PTPN3: variants seen among roughly 807,000 people sequenced by gnomAD.
The protein encoded by PTPN3 is protein tyrosine phosphatase non-receptor type 3, also known as tyrosine-protein phosphatase non-receptor type 3.
PTPN3 carries 96 observed loss-of-function variants against 132.7 expected under a neutral mutation model. That is an observed-to-expected ratio of 0.72 (90% CI 0.61 to 0.86). The LOEUF is 0.86. Ranked by LOEUF, PTPN3 falls within the 40% of genes least tolerant of loss-of-function variation. PTPN3 has a pLI of 0.00. For synonymous variants in PTPN3, 398 were observed against 429.0 expected, an observed-to-expected ratio of 0.93 and a Z score of 0.89; for missense variants, 1,125 against 1,159.6, an observed-to-expected ratio of 0.97 and a Z score of 0.43.
the PTPN3 span, among the ~76,000 whole-genome samples, chr9:109,516,871 C>T: frequency 1.3e-5 from 2 of 152,136 alleles, no homozygotes; most frequent in Non-Finnish European, 1.5e-5. Context: ...CAGGTTTCTA[C>T]TTAAACTACT....
At chr9:109,445,333 A>G (rs776860504) in intron 6 of PTPN3, 41 bp from the exon 7 acceptor site, 10 of 1,541,448 alleles carry the variant, frequency 6.5e-6, no homozygotes, top group African/African-American at 5.5e-5. Flanking sequence ...ACAAGAACCA[A>G]CAACAGCCTT....
the PTPN3 span, among the ~76,000 whole-genome samples, chr9:109,509,115 C>T: frequency 0.35 from 53,818 of 152,080 alleles, 10,112 homozygotes; most frequent in East Asian, 0.62. Context: ...TCCAAACCAG[C>T]TCTGGGGCCT....
intron 1 of PTPN3, among the ~76,000 whole-genome samples, chr9:109,469,962 T>G (rs989476250): frequency 1.3e-5 from 2 of 152,110 alleles, no homozygotes; most frequent in African/African-American, 4.8e-5. Flanking sequence ...CTTTTTGCAG[T>G]ATAGAAGCCC....
At chr9:109,503,485 A>G in the PTPN3 span, among the ~76,000 whole-genome samples, 2 of 152,116 alleles carry the variant, frequency 1.3e-5, no homozygotes, top group Non-Finnish European at 2.9e-5. Flanking sequence ...CAGGCAGATC[A>G]CCTGAGGTCA....
Position 109,457,296 on chromosome 9 carries a change from G to A in PTPN3, c.242C>T (p.Ser81Phe), listed in dbSNP as rs752077556. ...GLQHDDDSVD[S>F]PRWLEASKAI... ...TTTTTTAAAAATGGCACTTACAGGA[G>A]AGTCCACGGAGTCGTCATCATGCTG... Residue 81 changes from serine to phenylalanine, a missense_variant, in exon 3 of 26, where the codon TCT (serine) becomes TTT (phenylalanine). Coordinates refer to ENST00000374541, the MANE Select transcript of PTPN3 (RefSeq NM_002829.4). 15 of 1,613,574 alleles carry A rather than the reference G, an allele frequency of 9.3e-6. No homozygotes were observed. The East Asian group carries it at 3.1e-4, about 34-fold the overall frequency.
At chr9:109,475,219 T>C (rs559039860) in intron 1 of PTPN3, among the ~76,000 whole-genome samples, 2 of 152,314 alleles carry the variant, frequency 1.3e-5, no homozygotes, top group South Asian at 4.1e-4. Flanking sequence ...AAGAGTGGGA[T>C]AGATGAACTC....
intron 5 of PTPN3, chr9:109,449,987 A>T: frequency 2.0e-6 from 2 of 984,156 alleles, no homozygotes; most frequent in Non-Finnish European, 2.4e-6. Flanking sequence ...GGTAGGTACC[A>T]CTATCTCCAT....
chr9:109,394,505 C>T (rs763274938), intron 19 of PTPN3, among the ~76,000 whole-genome samples: 7 of 149,164 alleles, frequency 4.7e-5, no homozygotes, highest in Non-Finnish European at 1.0e-4. Flanking sequence ...TGCAGTGGTG[C>T]GATCTCAGCT....
At position 109,498,125 on chromosome 9, in the gene PTPN3, G is replaced by A. The variant is rs1847765742; in HGVS notation, c.-18+94C>T. 6.8e-6 allele frequency: 1 copy of A among 146,112 alleles called. No homozygotes were observed. Among genetic ancestry groups the A allele is most frequent in the African/African-American group, 2.5e-5 (1 of 40,806 alleles). The allele number at this position is 146,112 out of a possible 1,614,324, so 9.1% of individuals were successfully genotyped here. A position where few individuals can be genotyped will look rare whatever the true frequency, so the allele number is the denominator to read the frequency against. ...CCCGCGCGTCCGCCGCGCGCCCCAG[G>A]GACGGGTGGGGGCGGGGTGGCGCCG... On this transcript the variant is annotated intron_variant, in intron 1 of 25. Coordinates refer to ENST00000374541, the MANE Select transcript of PTPN3 (RefSeq NM_002829.4). The surrounding 1 kb of genome is among the most constrained non-coding windows in gnomAD (Gnocchi z 4.2).
chr9:109,442,175 G>A (rs1326345106), intron 7 of PTPN3, among the ~76,000 whole-genome samples: 1 of 151,922 alleles, frequency 6.6e-6, no homozygotes, highest in African/African-American at 2.4e-5. Context: ...AGCCTCCCCA[G>A]TAACTTGAAC....
chr9:109,479,504 G>C (rs1385618739), intron 1 of PTPN3, among the ~76,000 whole-genome samples: 1 of 152,212 alleles, frequency 6.6e-6, no homozygotes, highest in Non-Finnish European at 1.5e-5. Context: ...GTATCTGTCC[G>C]AGTCCACTTT....
intron 5 of PTPN3, chr9:109,451,400 G>A (rs993270998): frequency 3.1e-5 from 30 of 960,232 alleles, no homozygotes; most frequent in South Asian, 9.6e-5. Context: ...ATGGAAGGTG[G>A]GGGTGGGGTG....
chr9:109,409,917 C>T, intron 16 of PTPN3, 82 bp downstream of exon 16: 1 of 1,541,058 alleles, frequency 6.5e-7, no homozygotes. Context: ...CTCAGGAATG[C>T]AGCACATTTG....
chr9:109,536,958 C>G, the PTPN3 span, among the ~76,000 whole-genome samples: 1 of 151,442 alleles, frequency 6.6e-6, no homozygotes. Flanking sequence ...AATATGAAGT[C>G]GCAAATGAAA....
chr9:109,481,048 C>T (rs1846935695), intron 1 of PTPN3, among the ~76,000 whole-genome samples: 1 of 152,138 alleles, frequency 6.6e-6, no homozygotes, highest in Non-Finnish European at 1.5e-5. Flanking sequence ...ATCTAATAGG[C>T]TAAACATATT....
upstream of PTPN3, among the ~76,000 whole-genome samples, chr9:109,502,077 A>T (rs1284796013): frequency 6.6e-6 from 1 of 152,270 alleles, no homozygotes; most frequent in Non-Finnish European, 1.5e-5. Flanking sequence ...TACGCTACAA[A>T]CTGAATATAC....
At chr9:109,434,578 G>A (rs1843892915) in intron 9 of PTPN3, among the ~76,000 whole-genome samples, 1 of 152,214 alleles carries the variant, frequency 6.6e-6, no homozygotes, top group African/African-American at 2.4e-5. Context: ...AAAGTGCTGG[G>A]GTTAAAGGCG....
chr9:109,399,885 C>T (rs559350071), intron 19 of PTPN3, among the ~76,000 whole-genome samples: 1 of 151,890 alleles, frequency 6.6e-6, no homozygotes, highest in East Asian at 1.9e-4. Context: ...AGGTAGAGAA[C>T]TGGAACACCA....
intron 1 of PTPN3, among the ~76,000 whole-genome samples, chr9:109,483,342 T>C (rs1224885908): frequency 6.6e-6 from 1 of 152,204 alleles, no homozygotes; most frequent in Admixed American, 6.5e-5. Flanking sequence ...CCTACTCCCT[T>C]TTGATCACAG....
Sources: gnomAD v4.1 joint callset for allele counts (sites outside exome capture counted in the v4.1 genomes callset) on GRCh38, gnomAD v4.1.1 for gene constraint, Gnocchi (gnomAD v3.1) non-coding constraint, MANE v1.5 for transcripts, NCBI Gene and HGNC (gene_info 2026-07-23, HGNC 2026-07-21) for gene names.